SCARA5: variants seen among roughly 807,000 people sequenced by gnomAD.
SCARA5 encodes the protein scavenger receptor class A, member 5 (putative).
Under a neutral mutation model 46.3 loss-of-function variants are expected in SCARA5, and 45 were observed. The ratio of observed to expected loss-of-function variants is 0.97; its 90% confidence interval spans 0.76 to 1.24. The LOEUF (loss-of-function observed/expected upper bound fraction) is 1.24, where lower values mean the gene tolerates loss of function less well. Ranked by LOEUF, SCARA5 falls within the 50% of genes most tolerant of loss-of-function variation. SCARA5 has a pLI of 0.00. For synonymous variants in SCARA5, 333 were observed against 306.5 expected (o/e 1.09, Z -0.90); for missense variants, 680 against 689.0 (o/e 0.99, Z 0.15).
chr8:27,989,251 T>A (rs910561175), intron 1 of SCARA5, among the ~76,000 whole-genome samples: 12 of 145,686 alleles, frequency 8.2e-5, no homozygotes, highest in Non-Finnish European at 1.6e-4. Context: ...TCCTCCCAAC[T>A]CATCCTCCTG....
intron 3 of SCARA5, among the ~76,000 whole-genome samples, chr8:27,944,345 A>G (rs139885340): frequency 5.9e-5 from 9 of 152,334 alleles, no homozygotes; most frequent in African/African-American, 1.4e-4. Context: ...ATATAAGACA[A>G]TGTCCTTGTT....
At chr8:27,953,462 G>A (rs567184772) in intron 3 of SCARA5, among the ~76,000 whole-genome samples, 2 of 152,364 alleles carry the variant, frequency 1.3e-5, no homozygotes, top group African/African-American at 2.4e-5. Flanking sequence ...TTTAAACAAT[G>A]ATGGTAACTC....
intron 3 of SCARA5, among the ~76,000 whole-genome samples, chr8:27,941,991 T>G (rs1197068887): frequency 6.6e-6 from 1 of 151,836 alleles, no homozygotes; most frequent in African/African-American, 2.4e-5. Context: ...CACACTCTGC[T>G]AATTTTTTTG....
chr8:27,917,760 C>T (rs1327478354), intron 4 of SCARA5, among the ~76,000 whole-genome samples: 1 of 152,208 alleles, frequency 6.6e-6, no homozygotes, highest in Non-Finnish European at 1.5e-5. Context: ...TCATAATTCA[C>T]TGTAATTGTT....
At chr8:27,965,484 C>G (rs569487262) in intron 3 of SCARA5, among the ~76,000 whole-genome samples, 1 of 152,272 alleles carries the variant, frequency 6.6e-6, no homozygotes, top group African/African-American at 2.4e-5. Flanking sequence ...TACACCCCAT[C>G]ACAGTGCCCG....
chr8:27,930,120 A>G (rs558800560), intron 3 of SCARA5, among the ~76,000 whole-genome samples: 1 of 152,248 alleles, frequency 6.6e-6, no homozygotes, highest in South Asian at 2.1e-4. Context: ...AACTAGCTTG[A>G]TATGGTTTTC....
At chr8:27,891,354 C>T (rs1252464332) in intron 7 of SCARA5, among the ~76,000 whole-genome samples, 2 of 152,042 alleles carry the variant, frequency 1.3e-5, no homozygotes, top group African/African-American at 4.8e-5. Context: ...TATGGGTGTG[C>T]ACCACCATGC....
At chr8:27,874,126 A>C (rs1176060525) in intron 8 of SCARA5, among the ~76,000 whole-genome samples, 1 of 152,240 alleles carries the variant, frequency 6.6e-6, no homozygotes, top group African/African-American at 2.4e-5. Flanking sequence ...ACAAAACAAC[A>C]GATGCAAAAG....
intron 2 of SCARA5, among the ~76,000 whole-genome samples, chr8:27,981,172 A>C (rs902432634): frequency 3.9e-5 from 6 of 152,216 alleles, no homozygotes; most frequent in African/African-American, 1.4e-4. Context: ...CTCACTTTGC[A>C]GACAAGGACA....
intron 3 of SCARA5, among the ~76,000 whole-genome samples, chr8:27,938,791 A>G (rs1807896035): frequency 6.6e-6 from 1 of 152,328 alleles, no homozygotes; most frequent in South Asian, 2.1e-4. Flanking sequence ...ACCCTTTTAT[A>G]TAAATGTAGC....
chr8:27,893,929 G>A lies in SCARA5; in HGVS notation c.1153+10849C>T, dbSNP rs763870462. 1.2e-4 allele frequency among the ~76,000 whole-genome samples: 18 copies of A among 152,214 alleles called. 1 individual carries two copies. Among genetic ancestry groups the A allele is most frequent in the Middle Eastern group, 3.2e-3 (1 of 316 alleles). On this transcript the variant is annotated intron_variant, in intron 7 of 8. Transcript: ENST00000354914. The stretch of plus-strand genomic sequence containing the variant: ...CCAGTGGCTGCCATCTCTCAGAACT[G>A]GCTTCCAAGGCTGGGGTAACCTCAG...
Position 27,904,798 on chromosome 8 carries a change from C to T in SCARA5, c.1133G>A (p.Gly378Glu), listed in dbSNP as rs750125600. 3.1e-6 allele frequency: 5 copies of T among 1,612,392 alleles called. No individual in the cohort carries two copies. In the South Asian group the frequency reaches 4.4e-5, roughly 14 times the overall value. The change falls in exon 7 of 9, where the codon GGA becomes GAA. Residue 378 changes from glycine (G) to glutamate (E), a missense_variant. Physicochemically the swap from Gly to Glu is moderately conservative, Grantham distance 98 (BLOSUM62 -2). Around this residue, in one of 3 missense-constraint regions of SCARA5, gnomAD observed 219 missense variants for 269.5 expected, o/e 0.81. Transcript: ENST00000354914. ...RGPKGEKGEK[G>E]DRAGDASGVE... ...CTTACTGGCATCCCCAGCTCTGTCT[C>T]CTTTCTCTCCTTTCTCTCCTTTTGG...
chr8:27,981,198 T>TCCTGG (rs1808608812), intron 2 of SCARA5, among the ~76,000 whole-genome samples: 1 of 152,158 alleles, frequency 6.6e-6, no homozygotes, highest in Non-Finnish European at 1.5e-5. Flanking sequence ...GATTAGCAGG[T>TCCTGG]CAGGGCCCTG....
At chr8:27,908,659 A>G (rs1046095007) in intron 5 of SCARA5, among the ~76,000 whole-genome samples, 18 of 152,280 alleles carry the variant, frequency 1.2e-4, no homozygotes, top group Admixed American at 1.1e-3. Context: ...ATCTGTTCCC[A>G]GAGTCCAACA....
intron 2 of SCARA5, among the ~76,000 whole-genome samples, chr8:27,982,713 G>C (rs1449989650): frequency 2.0e-5 from 3 of 152,174 alleles, no homozygotes; most frequent in Non-Finnish European, 4.4e-5. Flanking sequence ...AAAGGCATCA[G>C]AGAGCAAGGG....
At chr8:27,930,556 C>G (rs1445592686) in intron 3 of SCARA5, among the ~76,000 whole-genome samples, 1 of 152,164 alleles carries the variant, frequency 6.6e-6, no homozygotes, top group Non-Finnish European at 1.5e-5. Flanking sequence ...GCATGCGCCA[C>G]CATGCCCGGC....
intron 2 of SCARA5, among the ~76,000 whole-genome samples, chr8:27,983,235 G>A (rs1362777155): frequency 6.6e-6 from 1 of 152,342 alleles, no homozygotes; most frequent in African/African-American, 2.4e-5. Context: ...TCTTGTCCCT[G>A]TTTCTCAGGT....
intron 2 of SCARA5, among the ~76,000 whole-genome samples, chr8:27,972,095 T>G (rs532514945): frequency 6.6e-6 from 1 of 152,136 alleles, no homozygotes; most frequent in Non-Finnish European, 1.5e-5. Flanking sequence ...GGCAGATGGA[T>G]GACCTGAGGT....
intron 7 of SCARA5, among the ~76,000 whole-genome samples, chr8:27,883,923 G>T (rs149035133): frequency 6.6e-6 from 1 of 152,076 alleles, no homozygotes; most frequent in East Asian, 1.9e-4. Context: ...GGGCTGGAAG[G>T]AGCCTCCTTT....
Sources: allele counts gnomAD v4.1 joint callset (sites outside exome capture counted in the v4.1 genomes callset), GRCh38; gene constraint gnomAD v4.1.1; regional missense constraint gnomAD v4.1.1; transcripts MANE v1.5; gene names NCBI Gene and HGNC (gene_info 2026-07-23, HGNC 2026-07-21).